RAB11FIP4: variants seen among roughly 807,000 people sequenced by gnomAD.
RAB11FIP4 encodes RAB11 family interacting protein 4.
In RAB11FIP4, 23 loss-of-function variants were observed where a neutral mutation model predicts 74.3. The observed-to-expected ratio is 0.31, with a 90% CI of 0.22 to 0.44. RAB11FIP4 has a LOEUF of 0.44. Ranked by LOEUF, RAB11FIP4 falls within the 20% of genes least tolerant of loss-of-function variation. RAB11FIP4 has a pLI of 1.00. For missense variants in RAB11FIP4, 630 were observed against 863.9 expected (o/e 0.73, Z 3.39); for synonymous variants, 360 against 359.9 (o/e 1.00, Z 0.00).
At chr17:31,522,524 C>A in intron 7 of RAB11FIP4, 129 bp downstream of exon 7, 2 of 885,456 alleles carry the variant, frequency 2.3e-6, no homozygotes, top group Non-Finnish European at 3.6e-6. Context: ...GGGAACGAGG[C>A]CATCCCAGGG....
At chr17:31,484,634 C>G (rs1240772106) in intron 3 of RAB11FIP4, among the ~76,000 whole-genome samples, 3 of 152,182 alleles carry the variant, frequency 2.0e-5, no homozygotes, top group South Asian at 2.1e-4. Context: ...ACCCCACCCC[C>G]CACTGGACTA....
rs1213333778 is a variant in RAB11FIP4, at chr17:31,536,043, G to GA, written c.*4311_*4312insA. ...TGCTGGTGTTCAGGGGAGTTGGGGG[G>GA]GGGGGGCGCGGGGACAGAAGCGCGG... On this transcript the variant is annotated 3_prime_UTR_variant, in exon 15 of 15. Transcript: ENST00000621161. The GA allele has an allele frequency of 2.0e-5, 3 of 151,656 alleles. No homozygotes were observed. Among genetic ancestry groups the GA allele is most frequent in the African/African-American group, 7.3e-5 (3 of 41,056 alleles). 9.4% of individuals were successfully genotyped at this position (151,656 alleles called of 1,614,324 possible).
Position 31,530,529 on chromosome 17 carries a change from G to A in RAB11FIP4, c.1797+60G>A, listed in dbSNP as rs1053199735. ...GCCGCCCTCTGTGATTCCTTCTCCC[G>A]GCCCCCACCTGCCCAGAGTGAGAAA... On this transcript the variant is annotated intron_variant, in intron 14 of 14. Coordinates refer to ENST00000621161, the MANE Select transcript of RAB11FIP4 (RefSeq NM_032932.6). 7 of 1,585,978 alleles carry A rather than the reference G, an allele frequency of 4.4e-6. No individual in the cohort carries two copies. The African/African-American group carries it at 8.1e-5, about 18-fold the overall frequency.
chr17:31,437,142 T>C (rs1351709398), intron 3 of RAB11FIP4, among the ~76,000 whole-genome samples: 3 of 152,160 alleles, frequency 2.0e-5, no homozygotes, highest in African/African-American at 7.2e-5. Flanking sequence ...CCTAGTGAGA[T>C]GGCGGTAGCT....
chr17:31,528,100 C>T (rs549895275), intron 11 of RAB11FIP4, among the ~76,000 whole-genome samples, 177 bp downstream of exon 11: 2 of 152,044 alleles, frequency 1.3e-5, no homozygotes, highest in African/African-American at 4.8e-5. Context: ...GTATTTATTA[C>T]TTTATACAAT....
intron 3 of RAB11FIP4, among the ~76,000 whole-genome samples, chr17:31,453,370 AAAAAAAAAAAC>A (rs1413533540): frequency 0.019 from 2,613 of 135,660 alleles, 98 homozygotes; most frequent in African/African-American, 0.061. Flanking sequence ...AAAAAAAAAA[AAAAAAAAAAAC>A]AAACCTGGGG....
chr17:31,516,761 C>T (rs1256934045), intron 3 of RAB11FIP4, among the ~76,000 whole-genome samples: 1 of 152,252 alleles, frequency 6.6e-6, no homozygotes, highest in Admixed American at 6.5e-5. Context: ...GCCACCGTGC[C>T]TAGAGATTTA....
At chr17:31,437,525 G>A (rs2071371076) in intron 3 of RAB11FIP4, among the ~76,000 whole-genome samples, 1 of 152,234 alleles carries the variant, frequency 6.6e-6, no homozygotes, top group African/African-American at 2.4e-5. Context: ...TGCCCCCAGG[G>A]AACGCAAACC....
At chr17:31,457,844 C>A (rs1289105678) in intron 3 of RAB11FIP4, among the ~76,000 whole-genome samples, 1 of 152,098 alleles carries the variant, frequency 6.6e-6, no homozygotes, top group Non-Finnish European at 1.5e-5. Context: ...ATCCTCCCTT[C>A]CTCTCTCTCC....
Position 31,492,601 on chromosome 17 carries a change from G to A in RAB11FIP4, c.337-25050G>A, listed in dbSNP as rs146646021. On this transcript the variant is annotated intron_variant, in intron 3 of 14. Coordinates refer to ENST00000621161, the MANE Select transcript of RAB11FIP4 (RefSeq NM_032932.6). ...GGCTGCAGAGAAGGTGCCCCCAGAA[G>A]CCTGGACTGCACCCTTATCTGTTTT... 4.5e-3 allele frequency among the ~76,000 whole-genome samples: 684 copies of A among 152,296 alleles called. 4 individuals carry two copies. Among genetic ancestry groups the A allele is most frequent in the African/African-American group, 0.015 (634 of 41,568 alleles).
chr17:31,473,684 A>G (rs1479300715), intron 3 of RAB11FIP4, among the ~76,000 whole-genome samples: 2 of 152,208 alleles, frequency 1.3e-5, no homozygotes, highest in South Asian at 4.1e-4. Context: ...AGGTGGAGGA[A>G]AGAGCCATCC....
At chr17:31,477,363 C>A (rs1386211846) in intron 3 of RAB11FIP4, among the ~76,000 whole-genome samples, 1 of 152,242 alleles carries the variant, frequency 6.6e-6, no homozygotes, top group Non-Finnish European at 1.5e-5. Flanking sequence ...GCTCAGTGCT[C>A]CCCTGTGGGG....
intron 1 of RAB11FIP4, among the ~76,000 whole-genome samples, chr17:31,411,207 C>CA (rs1209878284): frequency 3.3e-5 from 5 of 152,104 alleles, no homozygotes; most frequent in Middle Eastern, 3.4e-3. Flanking sequence ...ACTAAAAATA[C>CA]AAAAAAATTA....
Position 31,525,168 on chromosome 17 carries a change from C to A in RAB11FIP4, c.1212C>A (p.His404Gln). The A allele has an allele frequency of 2.6e-6, 4 of 1,549,418 alleles. No homozygotes were observed. The highest frequency in any genetic ancestry group is 2.6e-6 in the Non-Finnish European group (3 of 1,146,944). The change falls in exon 10 of 15, where the codon CAC becomes CAA. Residue 404 changes from histidine (H) to glutamine (Q), a missense_variant. Physicochemically the swap from His to Gln is conservative, Grantham distance 24 (BLOSUM62 0). Transcript: ENST00000621161. ...CTCTGGAGGAGGAGGCGCGGCGCCACCGCGAGGCCTACGGCAAGCTGGAGA... is the reference window on the plus strand; with the variant it reads ...CTCTGGAGGAGGAGGCGCGGCGCCAACGCGAGGCCTACGGCAAGCTGGAGA... Reference protein sequence around the residue: ...EQALEEEARRHREAYGKLERE... With the variant: ...EQALEEEARRQREAYGKLERE...
At chr17:31,395,237 T>C (rs2070917829) in intron 1 of RAB11FIP4, among the ~76,000 whole-genome samples, 1 of 152,190 alleles carries the variant, frequency 6.6e-6, no homozygotes. Context: ...TATAAATTAT[T>C]GAACAGATGA....
intron 3 of RAB11FIP4, among the ~76,000 whole-genome samples, chr17:31,508,855 A>T (rs2072401461): frequency 6.6e-6 from 1 of 152,134 alleles, no homozygotes; most frequent in Non-Finnish European, 1.5e-5. Flanking sequence ...ACGCTGCCTT[A>T]TCAGCAGTGT....
intron 1 of RAB11FIP4, among the ~76,000 whole-genome samples, chr17:31,413,833 T>G (rs190766743): frequency 3.3e-5 from 5 of 152,182 alleles, no homozygotes; most frequent in Admixed American, 6.5e-5. Flanking sequence ...TTCAAAAGAG[T>G]CATAAGAGTT....
intron 3 of RAB11FIP4, among the ~76,000 whole-genome samples, chr17:31,459,405 T>G (rs993784309): frequency 6.6e-6 from 1 of 152,136 alleles, no homozygotes; most frequent in Non-Finnish European, 1.5e-5. Flanking sequence ...GATCACTAGA[T>G]TCTTAACTCC....
intron 1 of RAB11FIP4, among the ~76,000 whole-genome samples, chr17:31,400,697 A>G (rs1240901135): frequency 6.6e-6 from 1 of 152,170 alleles, no homozygotes; most frequent in Admixed American, 6.5e-5. Flanking sequence ...AGTGAGCAAG[A>G]GGAGACTTTG....
Sources: gnomAD v4.1 joint callset for allele counts (sites outside exome capture counted in the v4.1 genomes callset) on GRCh38, gnomAD v4.1.1 for gene constraint, MANE v1.5 for transcripts, NCBI Gene and HGNC (gene_info 2026-07-23, HGNC 2026-07-21) for gene names.